DDX6: variants seen among roughly 807,000 people sequenced by gnomAD.
DDX6 encodes DEAD-box helicase 6, also known as probable ATP-dependent RNA helicase DDX6.
DDX6 carries 7 observed loss-of-function variants against 60.6 expected under a neutral mutation model. That is an observed-to-expected ratio of 0.12 (90% CI 0.07 to 0.22). The LOEUF (loss-of-function observed/expected upper bound fraction) is 0.22, where lower values mean the gene tolerates loss of function less well. Ranked by LOEUF, DDX6 falls within the 10% of genes least tolerant of loss-of-function variation. The pLI, the probability that DDX6 is intolerant of heterozygous loss-of-function variation, is 1.00. For synonymous variants in DDX6, 207 were observed against 201.0 expected, an observed-to-expected ratio of 1.03 and a Z score of -0.25; for missense variants, 270 against 589.9, an observed-to-expected ratio of 0.46 and a Z score of 5.62.
In DDX6 at chr11:118,786,181, G is replaced by A. The variant is rs1862068633; in HGVS notation, c.71C>T (p.Pro24Leu). Reference sequence around the variant, plus strand: ...TCCAGGGCCACCAGTGGGTTTCACAGGGCCTCTCAGCTGACCATTTTGACT... The same window carrying A: ...TCCAGGGCCACCAGTGGGTTTCACAAGGCCTCTCAGCTGACCATTTTGACT... Reference protein sequence around the residue: ...LSSQNGQLRGPVKPTGGPGGG... With the variant: ...LSSQNGQLRGLVKPTGGPGGG... The change falls in exon 2 of 14, where the codon CCT (proline) becomes CTT (leucine). Residue 24 changes from proline to leucine, a missense_variant. Physicochemically the swap from Pro to Leu is moderately conservative, Grantham distance 98. Coordinates refer to ENST00000534980, the MANE Select transcript of DDX6 (RefSeq NM_004397.6). 1.2e-6 allele frequency: 2 copies of A among 1,613,980 alleles called. No homozygotes were observed. Among genetic ancestry groups the A allele is most frequent in the Non-Finnish European group, 8.5e-7 (1 of 1,179,886 alleles).
At chr11:118,769,013 T>TAA (rs1861448232) in intron 4 of DDX6, among the ~76,000 whole-genome samples, 1 of 27,160 alleles carries the variant, frequency 3.7e-5, no homozygotes, top group East Asian at 1.3e-3. Context: ...AAAAAAAGGC[T>TAA]AGATACAGTG....
intron 6 of DDX6, 141 bp downstream of exon 6, chr11:118,765,068 G>T: frequency 1.1e-6 from 1 of 916,100 alleles, no homozygotes. Context: ...TGTCTTTTTC[G>T]CTTGAATGCA....
intron 3 of DDX6, among the ~76,000 whole-genome samples, chr11:118,780,825 A>T (rs1555164535): frequency 1.3e-5 from 2 of 152,230 alleles, no homozygotes; most frequent in Admixed American, 6.5e-5. Flanking sequence ...GCTGTCCTTT[A>T]GCTTCCCCCC....
intron 1 of DDX6, chr11:118,787,639 A>G (rs893182893): frequency 6.6e-6 from 1 of 152,146 alleles, no homozygotes; most frequent in African/African-American, 2.4e-5. Flanking sequence ...TGTCTCAAAA[A>G]ACAACAAAAA....
intron 13 of DDX6, among the ~76,000 whole-genome samples, chr11:118,753,681 T>A (rs1555158014): frequency 2.0e-5 from 3 of 152,170 alleles, no homozygotes; most frequent in Non-Finnish European, 4.4e-5. Flanking sequence ...ATAATCTGAT[T>A]AAACATTTGC....
intron 12 of DDX6, 47 bp from the exon 13 acceptor site, chr11:118,754,934 CA>C: frequency 6.6e-7 from 1 of 1,507,406 alleles, no homozygotes; most frequent in Non-Finnish European, 8.9e-7. Flanking sequence ...ATATGAAAAT[CA>C]ATGTGAATTG....
At chr11:118,768,766 C>A (rs1426283283) in intron 4 of DDX6, among the ~76,000 whole-genome samples, 3 of 151,998 alleles carry the variant, frequency 2.0e-5, no homozygotes, top group East Asian at 1.9e-4. Flanking sequence ...TCCCAGCACA[C>A]TGGGAGGCAG....
In DDX6 at chr11:118,751,054, AATATATATATATGTAT is replaced by A. The variant is rs1860745662; in HGVS notation, c.*1035_*1050del. Reference sequence around the variant, plus strand: ...TCCCAGCAACCTTCATCCAAAAAAAAATATATATATATGTATATATATATATATATATGAACCCAGA... The same window carrying A: ...TCCCAGCAACCTTCATCCAAAAAAAAATATATATATATATATGAACCCAGA... On this transcript the variant is annotated 3_prime_UTR_variant, in exon 14 of 14. Coordinates refer to ENST00000534980, the MANE Select transcript of DDX6 (RefSeq NM_004397.6). 7.4e-6 allele frequency: 1 copy of A among 135,010 alleles called. No homozygotes were observed. The highest frequency in any genetic ancestry group is 1.6e-5 in the Non-Finnish European group (1 of 62,434). 8.4% of individuals were successfully genotyped at this position (135,010 alleles called of 1,614,324 possible). A position where few individuals can be genotyped will look rare whatever the true frequency, so the allele number is the denominator to read the frequency against.
chr11:118,755,593 T>A, intron 11 of DDX6, 90 bp from the exon 12 acceptor site: 1 of 704,010 alleles, frequency 1.4e-6, no homozygotes, highest in South Asian at 1.8e-5. Flanking sequence ...AACCTAAGTT[T>A]ATTAATTTAA....
intron 4 of DDX6, among the ~76,000 whole-genome samples, chr11:118,777,044 C>T (rs567933342): frequency 3.3e-5 from 5 of 151,972 alleles, no homozygotes; most frequent in African/African-American, 1.2e-4. Context: ...TGGAACACAG[C>T]TCAATTCTTC....
intron 8 of DDX6, 95 bp from the exon 9 acceptor site, chr11:118,758,997 A>T (rs1185968281): frequency 1.4e-5 from 21 of 1,497,580 alleles, no homozygotes; most frequent in Non-Finnish European, 1.2e-5. Flanking sequence ...TCTGTCCGAT[A>T]AACTCTTGCT....
At chr11:118,753,699 G>T (rs1555158023) in intron 13 of DDX6, among the ~76,000 whole-genome samples, 3 of 152,062 alleles carry the variant, frequency 2.0e-5, no homozygotes, top group Non-Finnish European at 4.4e-5. Flanking sequence ...TGCTAATAAG[G>T]TATTATGGAT....
At chr11:118,759,037 A>G (rs1861075083) in intron 8 of DDX6, 135 bp from the exon 9 acceptor site, 13 of 1,171,664 alleles carry the variant, frequency 1.1e-5, no homozygotes, top group Non-Finnish European at 1.5e-5. Context: ...TCAAAACAAA[A>G]TATATGATCT....
intron 6 of DDX6, among the ~76,000 whole-genome samples, chr11:118,764,716 A>C (rs983784257): frequency 9.2e-5 from 14 of 151,806 alleles, no homozygotes; most frequent in Admixed American, 2.0e-4. Flanking sequence ...AGACAGGAGA[A>C]TGGCCTGAAC....
At chr11:118,757,063 A>G (rs1861002066) in intron 10 of DDX6, 108 bp downstream of exon 10, 2 of 570,074 alleles carry the variant, frequency 3.5e-6, no homozygotes, top group East Asian at 6.7e-5. Flanking sequence ...TCCTTTGGCT[A>G]CTAAGGAACA....
rs189663705 is a variant in DDX6 at position 118,751,407 on chromosome 11, T to C, written c.*698A>G. The C allele has an allele frequency of 3.3e-5, 5 of 152,144 alleles. No homozygotes were observed. Among genetic ancestry groups the C allele is most frequent in the African/African-American group, 9.6e-5 (4 of 41,486 alleles). 9.4% of individuals were successfully genotyped at this position (152,144 alleles called of 1,614,324 possible). ...TATTTACAGTGCGGATGAACTGCAGTTGCATATCAACTCCTCCCCAAAAAG... is the reference window on the plus strand; with the variant it reads ...TATTTACAGTGCGGATGAACTGCAGCTGCATATCAACTCCTCCCCAAAAAG... On this transcript the variant is annotated 3_prime_UTR_variant, in exon 14 of 14. Coordinates refer to ENST00000534980, the MANE Select transcript of DDX6 (RefSeq NM_004397.6).
chr11:118,763,604 T>C lies in DDX6; in HGVS notation c.647-298A>G, dbSNP rs1305549799. On this transcript the variant is annotated intron_variant, in intron 6 of 13. Transcript: ENST00000534980. ...ATCCCAGTACTTTGGGAGGCCGAGGTGGGTGGATCACATGAGGTCAGGAGT... is the reference window on the plus strand; with the variant it reads ...ATCCCAGTACTTTGGGAGGCCGAGGCGGGTGGATCACATGAGGTCAGGAGT... Among the ~76,000 whole-genome samples, 3 of 151,992 alleles carry C rather than the reference T, an allele frequency of 2.0e-5. No individual in the cohort carries two copies. The East Asian group carries it at 5.8e-4, about 29-fold the overall frequency.
At chr11:118,762,959 A>G in intron 7 of DDX6, among the ~76,000 whole-genome samples, 1 of 152,304 alleles carries the variant, frequency 6.6e-6, no homozygotes, top group African/African-American at 2.4e-5. Flanking sequence ...GAGGTTATTC[A>G]CTCCTCTACT....
chr11:118,786,953 C>G (rs189664106), intron 1 of DDX6: 1 of 152,086 alleles, frequency 6.6e-6, no homozygotes, highest in Non-Finnish European at 1.5e-5. Flanking sequence ...TAATAGCAAC[C>G]GAGAGTCCTT....
Sources: allele counts gnomAD v4.1 joint callset (sites outside exome capture counted in the v4.1 genomes callset), GRCh38; gene constraint gnomAD v4.1.1; transcripts MANE v1.5; gene names NCBI Gene and HGNC (gene_info 2026-07-23, HGNC 2026-07-21).